Variants in FRAS1 observed in about 807,000 individuals in gnomAD.
The protein encoded by FRAS1 is extracellular matrix organizing protein FRAS1.
Under a neutral mutation model 435.2 loss-of-function variants are expected in FRAS1, and 290 were observed. The ratio of observed to expected loss-of-function variants is 0.67; its 90% confidence interval spans 0.61 to 0.73. The LOEUF (loss-of-function observed/expected upper bound fraction) is 0.73. Among genes scored for constraint, FRAS1 ranks in the 30% least tolerant of loss-of-function variants. FRAS1 has a pLI of 0.00. For synonymous variants in FRAS1, 1,800 were observed against 1,851.0 expected, an observed-to-expected ratio of 0.97 and a Z score of 0.71; for missense variants, 4,860 against 5,001.5, an observed-to-expected ratio of 0.97 and a Z score of 0.85.
chr4:78,421,798 G>A, intron 33 of FRAS1, 65 bp from the exon 34 acceptor site: 1 of 1,569,776 alleles, frequency 6.4e-7, no homozygotes, highest in Non-Finnish European at 8.8e-7. Flanking sequence ...AGGCTCTATG[G>A]CTCTAGTCAT....
At chr4:78,472,723 A>G (rs916757153) in intron 52 of FRAS1, among the ~76,000 whole-genome samples, 5 of 152,236 alleles carry the variant, frequency 3.3e-5, no homozygotes, top group East Asian at 1.9e-4. Flanking sequence ...TCTAAGGATT[A>G]TAGACTTTAA....
At chr4:78,115,310 C>T (rs1423676129) in intron 2 of FRAS1, among the ~76,000 whole-genome samples, 1 of 152,056 alleles carries the variant, frequency 6.6e-6, no homozygotes, top group Non-Finnish European at 1.5e-5. Flanking sequence ...TGTGTCTCTG[C>T]CAGGCTTTGG....
chr4:78,122,009 G>A (rs1719058351), intron 2 of FRAS1, among the ~76,000 whole-genome samples: 1 of 152,082 alleles, frequency 6.6e-6, no homozygotes, highest in African/African-American at 2.4e-5. Context: ...TTAAGTTCTG[G>A]GTTACATGTG....
intron 56 of FRAS1, among the ~76,000 whole-genome samples, chr4:78,480,196 A>G (rs1719969655): frequency 6.6e-6 from 1 of 152,130 alleles, no homozygotes; most frequent in African/African-American, 2.4e-5. Flanking sequence ...TTGTGTACCC[A>G]TTAACCATGC....
At chr4:78,319,091 G>A in intron 18 of FRAS1, 105 bp downstream of exon 18, 1 of 1,157,852 alleles carries the variant, frequency 8.6e-7, no homozygotes, top group Non-Finnish European at 1.3e-6. Context: ...ATTTTAGAAT[G>A]GTTCCTAGAT....
chr4:78,259,691 T>G (rs1725980346), intron 6 of FRAS1, among the ~76,000 whole-genome samples: 1 of 147,910 alleles, frequency 6.8e-6, no homozygotes, highest in Admixed American at 6.9e-5. Context: ...TCTTTTGCTG[T>G]GCAGAAGCTC....
At chr4:78,301,858 T>G (rs144518955) in intron 14 of FRAS1, among the ~76,000 whole-genome samples, 5,023 of 150,066 alleles carry the variant, frequency 0.033, 240 homozygotes, top group African/African-American at 0.1. Context: ...TTTTTTTTTT[T>G]TTTTTTTTTT....
chr4:78,448,115 G>A lies in FRAS1; in HGVS notation c.6073G>A (p.Gly2025Ser). The A allele has an allele frequency of 5.6e-6, 9 of 1,613,504 alleles. No homozygotes were observed. The highest frequency in any genetic ancestry group is 7.6e-6 in the Non-Finnish European group (9 of 1,179,726). ...GGAGAATGGGAGAGTTTTAGTCCAG[G>A]GCTCAACCTTCACCTACCAGGATAT... The part of the protein sequence containing the change: ...PLENGRVLVQ[G>S]STFTYQDILA... The change falls in exon 44 of 74, where the codon GGC becomes AGC. Residue 2025 changes from glycine to serine, a missense_variant. Transcript: ENST00000512123.
At chr4:78,157,394 T>A (rs1720941733) in intron 2 of FRAS1, among the ~76,000 whole-genome samples, 1 of 152,204 alleles carries the variant, frequency 6.6e-6, no homozygotes, top group African/African-American at 2.4e-5. Context: ...CTTTAGAAAT[T>A]TCCAAATGCT....
At chr4:78,478,223 A>G (rs1278357221) in intron 55 of FRAS1, among the ~76,000 whole-genome samples, 162 bp downstream of exon 55, 1 of 152,196 alleles carries the variant, frequency 6.6e-6, no homozygotes, top group Non-Finnish European at 1.5e-5. Flanking sequence ...TGATGATTCT[A>G]TCCATAGTGA....
At chr4:78,356,110 A>G (rs540901226) in intron 20 of FRAS1, among the ~76,000 whole-genome samples, 22 of 152,162 alleles carry the variant, frequency 1.4e-4, no homozygotes, top group Middle Eastern at 3.4e-3. Flanking sequence ...CCTCTTAATT[A>G]TGTTTAGATT....
intron 71 of FRAS1, among the ~76,000 whole-genome samples, chr4:78,535,068 C>T (rs1433413373): frequency 1.3e-5 from 2 of 152,204 alleles, no homozygotes; most frequent in Non-Finnish European, 2.9e-5. Context: ...TCCTATCTTT[C>T]TCTTGTCGAT....
In FRAS1 at chr4:78,073,734, A is replaced by G. The variant is rs145703626; in HGVS notation, c.108+7718A>G. Among the ~76,000 whole-genome samples, 962 of 152,324 alleles carry G rather than the reference A, an allele frequency of 6.3e-3. 9 individuals carry two copies. The Middle Eastern group carries it at 0.071, about 11-fold the overall frequency. ...TTACCAAGGGAAAGATAATATATAA[A>G]TATCAAATGACAATTGAGTTAAGCC... On this transcript the variant is annotated intron_variant, in intron 2 of 73. Transcript: ENST00000512123.
chr4:78,119,564 T>C (rs1004927593), intron 2 of FRAS1, among the ~76,000 whole-genome samples: 2 of 152,242 alleles, frequency 1.3e-5, no homozygotes, highest in Non-Finnish European at 1.5e-5. Flanking sequence ...TCTATAGATA[T>C]CACATTTTCT....
At chr4:78,272,137 C>G (rs144269302) in intron 9 of FRAS1, among the ~76,000 whole-genome samples, 1 of 151,832 alleles carries the variant, frequency 6.6e-6, no homozygotes, top group Non-Finnish European at 1.5e-5. Flanking sequence ...CTGTTCATAT[C>G]CTTCACCCAC....
intron 2 of FRAS1, among the ~76,000 whole-genome samples, chr4:78,109,432 A>T (rs1057453827): frequency 2.6e-5 from 4 of 151,682 alleles, no homozygotes; most frequent in African/African-American, 9.7e-5. Flanking sequence ...CTGGGATGCA[A>T]GGCTGGTTCA....
At chr4:78,382,420 A>G (rs958705615) in intron 27 of FRAS1, among the ~76,000 whole-genome samples, 2 of 151,000 alleles carry the variant, frequency 1.3e-5, no homozygotes, top group Non-Finnish European at 2.9e-5. Context: ...CTTTCAATCA[A>G]ATAACAGTGA....
chr4:78,205,486 G>A (rs1723219263), intron 2 of FRAS1, among the ~76,000 whole-genome samples: 3 of 152,250 alleles, frequency 2.0e-5, no homozygotes, highest in African/African-American at 7.2e-5. Flanking sequence ...GAGCAACTGC[G>A]TCCAGCCTAG....
Position 78,069,239 on chromosome 4 carries a change from C to A in FRAS1, c.108+3223C>A, listed in dbSNP as rs192306865. 1.3e-4 allele frequency among the ~76,000 whole-genome samples: 20 copies of A among 152,230 alleles called. No individual in the cohort carries two copies. The East Asian group carries it at 3.7e-3, about 28-fold the overall frequency. ...GAAACTGGGGCAGGGATGTTAAATT[C>A]TTTAGGTTTGTTCATCTCCCAGGTG... On this transcript the variant is annotated intron_variant, in intron 2 of 73. Coordinates refer to ENST00000512123, the MANE Select transcript of FRAS1 (RefSeq NM_025074.7).
Sources: allele counts gnomAD v4.1 joint callset (sites outside exome capture counted in the v4.1 genomes callset), GRCh38; gene constraint gnomAD v4.1.1; transcripts MANE v1.5; gene names NCBI Gene and HGNC (gene_info 2026-07-23, HGNC 2026-07-21).